Variants in BMP6 observed in about 807,000 individuals in gnomAD.
BMP6 encodes VG-1-R.
BMP6 carries 17 observed loss-of-function variants against 54.1 expected under a neutral mutation model. The ratio of observed to expected loss-of-function variants is 0.31; its 90% CI spans 0.22 to 0.47. The LOEUF (loss-of-function observed/expected upper bound fraction) is 0.47, where lower values mean the gene tolerates loss of function less well. Ranked by LOEUF, BMP6 falls within the 20% of genes least tolerant of loss-of-function variation. The pLI is 1.00. For synonymous variants in BMP6, 328 were observed against 291.2 expected (o/e 1.13, Z -1.28); for missense variants, 720 against 690.4 (o/e 1.04, Z -0.48).
intron 2 of BMP6, 117 bp downstream of exon 2, chr6:7,845,449 T>A: frequency 1.1e-6 from 1 of 874,604 alleles, no homozygotes; most frequent in Non-Finnish European, 1.6e-6. Context: ...GGGCAGCATG[T>A]GAGTACGATG....
intron 4 of BMP6, among the ~76,000 whole-genome samples, chr6:7,870,217 T>C (rs1354526361): frequency 6.6e-6 from 1 of 152,204 alleles, no homozygotes; most frequent in Non-Finnish European, 1.5e-5. Flanking sequence ...TTCAGAGCCA[T>C]GGCTGGACCT....
intron 2 of BMP6, among the ~76,000 whole-genome samples, chr6:7,851,662 T>C (rs975033971): frequency 6.6e-6 from 1 of 152,230 alleles, no homozygotes; most frequent in Non-Finnish European, 1.5e-5. Context: ...CAGGTAAAGA[T>C]TTAATATTTC....
intron 1 of BMP6, among the ~76,000 whole-genome samples, chr6:7,834,993 G>C (rs1405592905): frequency 3.3e-5 from 5 of 152,212 alleles, no homozygotes; most frequent in Admixed American, 3.3e-4. Flanking sequence ...GACGGCATCT[G>C]AGCCGGGCAG....
intron 1 of BMP6, among the ~76,000 whole-genome samples, chr6:7,775,773 A>G (rs1213786907): frequency 6.6e-6 from 1 of 152,176 alleles, no homozygotes; most frequent in African/African-American, 2.4e-5. Flanking sequence ...ATTGTTGGAG[A>G]TAAATTTGCT....
chr6:7,858,822 T>A (rs1466714405), intron 2 of BMP6, among the ~76,000 whole-genome samples: 3 of 149,772 alleles, frequency 2.0e-5, no homozygotes, highest in Admixed American at 6.7e-5. Flanking sequence ...AACATTGAAG[T>A]CCAAGCCTTC....
chr6:7,798,079 T>C (rs565888445), intron 1 of BMP6, among the ~76,000 whole-genome samples: 8 of 152,364 alleles, frequency 5.3e-5, no homozygotes, highest in African/African-American at 1.9e-4. Flanking sequence ...AAGTCTAATC[T>C]TATAGTCTGT....
intron 1 of BMP6, 109 bp downstream of exon 1, chr6:7,727,728 C>G (rs1561751203): frequency 7.7e-7 from 1 of 1,290,852 alleles, no homozygotes; most frequent in Non-Finnish European, 1.0e-6. Flanking sequence ...CGGGTCCCGC[C>G]TGGTGCGCCA....
chr6:7,853,913 A>T (rs1759184236), intron 2 of BMP6, among the ~76,000 whole-genome samples: 1 of 151,798 alleles, frequency 6.6e-6, no homozygotes, highest in Admixed American at 6.6e-5. Context: ...GGGAGAAAAA[A>T]AAAAAGACTG....
At chr6:7,777,863 C>T (rs967826938) in intron 1 of BMP6, among the ~76,000 whole-genome samples, 9 of 152,112 alleles carry the variant, frequency 5.9e-5, no homozygotes, top group African/African-American at 2.2e-4. Context: ...AAGCGACAAA[C>T]ACTCTTTAGA....
intron 1 of BMP6, among the ~76,000 whole-genome samples, chr6:7,765,158 G>A (rs1757668040): frequency 6.6e-6 from 1 of 152,148 alleles, no homozygotes; most frequent in African/African-American, 2.4e-5. Flanking sequence ...GAGTTTCCCA[G>A]TGATTGGTTG....
chr6:7,829,909 A>G (rs1758767888), intron 1 of BMP6, among the ~76,000 whole-genome samples: 1 of 152,164 alleles, frequency 6.6e-6, no homozygotes, highest in Admixed American at 6.5e-5. Flanking sequence ...ATACAGTAAG[A>G]TACTCTTGTC....
intron 2 of BMP6, among the ~76,000 whole-genome samples, chr6:7,846,163 G>A (rs913241350): frequency 2.0e-5 from 3 of 152,170 alleles, no homozygotes; most frequent in African/African-American, 7.2e-5. Flanking sequence ...CAGGTGATAT[G>A]ACGGTCTGGC....
intron 5 of BMP6, 131 bp from the exon 6 acceptor site, chr6:7,879,860 C>T: frequency 2.1e-6 from 2 of 935,474 alleles, no homozygotes; most frequent in South Asian, 3.2e-5. Flanking sequence ...TGGACAAATT[C>T]CTAAGCCTTC....
intron 1 of BMP6, among the ~76,000 whole-genome samples, chr6:7,828,259 T>C (rs148616731): frequency 6.6e-6 from 1 of 152,208 alleles, no homozygotes; most frequent in Non-Finnish European, 1.5e-5. Context: ...AGGAAAGATA[T>C]TCTCCAAGAA....
At chr6:7,796,189 A>G (rs1581251249) in intron 1 of BMP6, among the ~76,000 whole-genome samples, 1 of 152,228 alleles carries the variant, frequency 6.6e-6, no homozygotes, top group Non-Finnish European at 1.5e-5. Context: ...ACAATCAGAC[A>G]TCTATGGAAT....
At chr6:7,806,612 A>C (rs184185516) in intron 1 of BMP6, among the ~76,000 whole-genome samples, 89 of 152,370 alleles carry the variant, frequency 5.8e-4, no homozygotes, top group Middle Eastern at 3.4e-3. Flanking sequence ...AAAACAAAAA[A>C]AAACAAGTGA....
chr6:7,813,427 C>T (rs1416880252), intron 1 of BMP6, among the ~76,000 whole-genome samples: 1 of 116,074 alleles, frequency 8.6e-6, no homozygotes, highest in African/African-American at 3.3e-5. Flanking sequence ...CTGAGACCAG[C>T]CTGGGCAACA....
At chr6:7,836,209 T>A (rs1048310613) in intron 1 of BMP6, among the ~76,000 whole-genome samples, 6 of 149,734 alleles carry the variant, frequency 4.0e-5, no homozygotes, top group African/African-American at 1.0e-4. Context: ...GATTTTTTTT[T>A]TAAAAAAAAA....
intron 1 of BMP6, among the ~76,000 whole-genome samples, chr6:7,826,311 C>G (rs1217145044): frequency 6.6e-6 from 1 of 152,194 alleles, no homozygotes; most frequent in African/African-American, 2.4e-5. Context: ...TCTGACTGTC[C>G]TCTGTGGCAT....
Sources: allele counts gnomAD v4.1 joint callset (sites outside exome capture counted in the v4.1 genomes callset), GRCh38; gene constraint gnomAD v4.1.1; transcripts MANE v1.5; gene names NCBI Gene and HGNC (gene_info 2026-07-23, HGNC 2026-07-21).